ROBO2: variants seen among roughly 807,000 people sequenced by gnomAD.
ROBO2 encodes the protein roundabout homolog 2.
ROBO2 carries 53 observed loss-of-function variants against 160.8 expected under a neutral mutation model. The ratio of observed to expected loss-of-function variants is 0.33; its 90% CI spans 0.26 to 0.41. The LOEUF (loss-of-function observed/expected upper bound fraction) is 0.41, where lower values mean the gene tolerates loss of function less well. ROBO2 is among the 10% of genes least tolerant of loss of function. The pLI is 1.00. For missense variants in ROBO2, 1,577 were observed against 1,722.4 expected (o/e 0.92, Z 1.49); for synonymous variants, 664 against 611.7 (o/e 1.09, Z -1.26).
intron 2 of ROBO2, among the ~76,000 whole-genome samples, chr3:76,029,709 G>A (rs543581865): frequency 1.4e-4 from 22 of 152,150 alleles, no homozygotes; most frequent in South Asian, 4.1e-4. Flanking sequence ...TCCTTTTTAC[G>A]GCTGCATAGT....
At chr3:77,539,566 G>T (rs993678289) in intron 6 of ROBO2, among the ~76,000 whole-genome samples, 3 of 151,912 alleles carry the variant, frequency 2.0e-5, no homozygotes, top group African/African-American at 7.3e-5. Flanking sequence ...TTATTCCTTA[G>T]GTATAATGAG....
chr3:77,268,609 C>T (rs1013858), intron 2 of ROBO2, among the ~76,000 whole-genome samples: 75,392 of 151,942 alleles, frequency 0.5, 19,948 homozygotes, highest in Middle Eastern at 0.7. Context: ...GTAATGTGCA[C>T]ATCAGTACAA....
intron 2 of ROBO2, among the ~76,000 whole-genome samples, chr3:77,336,729 G>T (rs1005435458): frequency 6.6e-6 from 1 of 152,226 alleles, no homozygotes; most frequent in African/African-American, 2.4e-5. Flanking sequence ...CTGGTTCCCT[G>T]CCTAAGCCTG....
chr3:76,407,267 C>T (rs964390041), intron 2 of ROBO2, among the ~76,000 whole-genome samples: 2 of 151,920 alleles, frequency 1.3e-5, no homozygotes, highest in Non-Finnish European at 2.9e-5. Context: ...TGCTCACTTA[C>T]AACAGCCTGT....
chr3:76,044,321 A>G (rs1191009323), intron 2 of ROBO2, among the ~76,000 whole-genome samples: 2 of 151,984 alleles, frequency 1.3e-5, no homozygotes, highest in East Asian at 3.9e-4. Flanking sequence ...ACCCTTTCCA[A>G]AGAAGCACAG....
intron 2 of ROBO2, among the ~76,000 whole-genome samples, chr3:77,350,058 G>C (rs1463714143): frequency 1.4e-5 from 2 of 140,750 alleles, no homozygotes; most frequent in African/African-American, 5.3e-5. Context: ...CCTGCGATTG[G>C]TACATTAAAA....
intron 13 of ROBO2, among the ~76,000 whole-genome samples, chr3:77,569,364 C>T (rs553618548): frequency 2.6e-5 from 4 of 152,034 alleles, no homozygotes; most frequent in Non-Finnish European, 5.9e-5. Flanking sequence ...GGATTATACC[C>T]GTTCTGGTGA....
chr3:77,204,244 A>G (rs2083195256), intron 2 of ROBO2, among the ~76,000 whole-genome samples: 2 of 152,228 alleles, frequency 1.3e-5, no homozygotes, highest in African/African-American at 4.8e-5. Flanking sequence ...CTGCTTCCTC[A>G]CAATCAATAG....
intron 2 of ROBO2, among the ~76,000 whole-genome samples, chr3:77,016,409 C>T (rs1018304808): frequency 2.6e-5 from 4 of 152,054 alleles, no homozygotes; most frequent in Admixed American, 6.6e-5. Flanking sequence ...CAAAAATGCT[C>T]CACTGTTCAT....
chr3:76,827,274 T>C (rs1370527486), intron 2 of ROBO2, among the ~76,000 whole-genome samples: 2 of 152,176 alleles, frequency 1.3e-5, no homozygotes, highest in Admixed American at 6.6e-5. Flanking sequence ...ATGTTTCAGA[T>C]TTTTCTACTA....
chr3:76,006,696 T>C (rs1351466412), intron 2 of ROBO2, among the ~76,000 whole-genome samples: 1 of 152,120 alleles, frequency 6.6e-6, no homozygotes, highest in African/African-American at 2.4e-5. Flanking sequence ...GTGCCTGAAA[T>C]ATAGTAGGTG....
chr3:76,569,652 G>A (rs1323916468), intron 2 of ROBO2, among the ~76,000 whole-genome samples: 1 of 152,170 alleles, frequency 6.6e-6, no homozygotes, highest in African/African-American at 2.4e-5. Flanking sequence ...AATGGGCCTT[G>A]TGATGTATGA....
intron 2 of ROBO2, among the ~76,000 whole-genome samples, chr3:77,357,607 T>G (rs2069319933): frequency 6.6e-6 from 1 of 152,172 alleles, no homozygotes; most frequent in African/African-American, 2.4e-5. Flanking sequence ...GGACATAGAT[T>G]GGTTTTGAAT....
intron 2 of ROBO2, among the ~76,000 whole-genome samples, chr3:76,105,658 A>C (rs1161315075): frequency 6.6e-6 from 1 of 152,142 alleles, no homozygotes; most frequent in Non-Finnish European, 1.5e-5. Context: ...CAATATACTT[A>C]TGAGTTCTGA....
chr3:77,050,492 C>T (rs933814020), intron 1 of ROBO2, among the ~76,000 whole-genome samples: 1 of 151,604 alleles, frequency 6.6e-6, no homozygotes, highest in Non-Finnish European at 1.5e-5. Flanking sequence ...TTCTTTACTA[C>T]TCTAATAAAC....
intron 2 of ROBO2, among the ~76,000 whole-genome samples, chr3:77,477,065 A>C (rs573991616): frequency 6.6e-6 from 1 of 152,206 alleles, no homozygotes; most frequent in African/African-American, 2.4e-5. Context: ...ACACACACAT[A>C]TATGAGTTTC....
At chr3:76,328,017 G>GA (rs983522263) in intron 2 of ROBO2, among the ~76,000 whole-genome samples, 34 of 149,868 alleles carry the variant, frequency 2.3e-4, no homozygotes, top group Middle Eastern at 3.5e-3. Context: ...TTTCAAAGGG[G>GA]AAAAAAAAAG....
intron 2 of ROBO2, among the ~76,000 whole-genome samples, chr3:77,294,426 G>A (rs1407930119): frequency 7.8e-6 from 1 of 128,478 alleles, no homozygotes; most frequent in Non-Finnish European, 1.6e-5. Context: ...AAAACGGGAA[G>A]TTGAGCCTAG....
intron 2 of ROBO2, among the ~76,000 whole-genome samples, chr3:77,410,888 T>TA (rs2076746052): frequency 6.6e-6 from 1 of 151,176 alleles, no homozygotes; most frequent in African/African-American, 2.4e-5. Flanking sequence ...GCTGCAGTCT[T>TA]AAACTCCTGG....
Sources: gnomAD v4.1 joint callset for allele counts (sites outside exome capture counted in the v4.1 genomes callset) on GRCh38, gnomAD v4.1.1 for gene constraint, MANE v1.5 for transcripts, NCBI Gene and HGNC (gene_info 2026-07-23, HGNC 2026-07-21) for gene names.